Variants in VAV2 observed in about 807,000 individuals in gnomAD.
VAV2 encodes vav guanine nucleotide exchange factor 2.
A neutral mutation model predicts 132.5 loss-of-function variants in VAV2; 67 were observed. That is an observed-to-expected ratio of 0.51 (90% CI 0.42 to 0.62). The LOEUF (loss-of-function observed/expected upper bound fraction) is 0.62, where lower values mean the gene tolerates loss of function less well. Ranked by LOEUF, VAV2 falls within the 20% of genes least tolerant of loss-of-function variation. VAV2 has a pLI of 0.00. For synonymous variants in VAV2, 492 were observed against 443.5 expected, an observed-to-expected ratio of 1.11 and a Z score of -1.37; for missense variants, 938 against 1,153.6, an observed-to-expected ratio of 0.81 and a Z score of 2.71.
chr9:133,774,867 G>A, intron 25 of VAV2, 68 bp downstream of exon 25: 1 of 1,403,080 alleles, frequency 7.1e-7, no homozygotes, highest in Non-Finnish European at 9.9e-7. Flanking sequence ...GACGTGGAGA[G>A]GATGGTGCTC....
rs1049507719 is a variant in VAV2, at chr9:133,857,961, G to A, written c.380+3413C>T. Among the ~76,000 whole-genome samples, 1 of 152,216 alleles carries A rather than the reference G, an allele frequency of 6.6e-6. No homozygotes were observed. The highest frequency in any genetic ancestry group is 2.4e-5 in the African/African-American group (1 of 41,462). On this transcript the variant is annotated intron_variant, in intron 3 of 29. Transcript: ENST00000371850. This position sits in a 1 kb window ranked among gnomAD's most constrained non-coding sequence, Gnocchi z 4.0. ...GCAAAGCCTCGCTCTGCGCCCAGGA[G>A]GCCCTTCCCTTTGGCCTGCAAACAC...
intron 2 of VAV2, among the ~76,000 whole-genome samples, chr9:133,910,681 G>A (rs1414509043): frequency 4.6e-5 from 7 of 151,482 alleles, no homozygotes; most frequent in African/African-American, 9.7e-5. Context: ...AAACTTAGCC[G>A]AGCGTGGTGG....
In VAV2 at chr9:133,794,135, GTGCACGGCCCAC is replaced by G. The variant is rs1173429679; in HGVS notation, c.1101+1521_1101+1532del. On this transcript the variant is annotated intron_variant, in intron 12 of 29. Transcript: ENST00000371850. The surrounding 1 kb of genome is among the most constrained non-coding windows in gnomAD (Gnocchi z 4.6). ...ACGCAAGACCACACTCAGGGCCCGG[GTGCACGGCCCAC>G]TGCACCTGCTGTCACTGTCTCAGAG... Among the ~76,000 whole-genome samples, 1 of 152,094 alleles carries G rather than the reference GTGCACGGCCCAC, an allele frequency of 6.6e-6. No individual in the cohort carries two copies. The highest frequency in any genetic ancestry group is 1.5e-5 in the Non-Finnish European group (1 of 68,018).
At chr9:133,896,391 T>G (rs1158502833) in intron 2 of VAV2, among the ~76,000 whole-genome samples, 2 of 152,014 alleles carry the variant, frequency 1.3e-5, no homozygotes, top group Non-Finnish European at 2.9e-5. Flanking sequence ...GAGGCAGAGG[T>G]TGCAATGAGC....
chr9:133,948,640 G>T lies in VAV2; in HGVS notation c.205-9421C>A, dbSNP rs139994350. Among the ~76,000 whole-genome samples the T allele has an allele frequency of 3.3e-3, 498 of 152,258 alleles. 2 individuals are homozygous for T. The highest frequency in any genetic ancestry group is 0.012 in the African/African-American group (481 of 41,544). Reference sequence around the variant, plus strand: ...AAGGGCTGCAACAACAGCGTGTCTCGTTTCACTATTCTGTAAAGGTTTCCA... The same window carrying T: ...AAGGGCTGCAACAACAGCGTGTCTCTTTTCACTATTCTGTAAAGGTTTCCA... On this transcript the variant is annotated intron_variant, in intron 1 of 29. Coordinates refer to ENST00000371850, the MANE Select transcript of VAV2 (RefSeq NM_001134398.2).
At chr9:133,976,586 A>G (rs1388121342) in intron 1 of VAV2, among the ~76,000 whole-genome samples, 1 of 152,172 alleles carries the variant, frequency 6.6e-6, no homozygotes, top group East Asian at 1.9e-4. Context: ...CTTCCGCACT[A>G]TGGAGTTGTG....
chr9:133,906,555 A>G (rs535145800), intron 2 of VAV2, among the ~76,000 whole-genome samples: 3 of 152,210 alleles, frequency 2.0e-5, no homozygotes, highest in East Asian at 3.9e-4. Flanking sequence ...TCAGCCGGCA[A>G]TGAAACCAGG....
intron 3 of VAV2, among the ~76,000 whole-genome samples, chr9:133,847,359 G>A (rs1230416276): frequency 1.3e-5 from 2 of 152,222 alleles, no homozygotes; most frequent in African/African-American, 4.8e-5. Flanking sequence ...GCGCCTCAGC[G>A]TGAGCAGCCC....
chr9:133,940,859 T>C (rs1841121054), intron 1 of VAV2, among the ~76,000 whole-genome samples: 1 of 151,944 alleles, frequency 6.6e-6, no homozygotes, highest in South Asian at 2.1e-4. Context: ...ACGGTTATCT[T>C]ATCTATAGAC....
intron 2 of VAV2, among the ~76,000 whole-genome samples, chr9:133,872,785 C>G (rs568115008): frequency 6.6e-6 from 1 of 152,064 alleles, no homozygotes; most frequent in Non-Finnish European, 1.5e-5. Flanking sequence ...TTGACTAAGA[C>G]AGAGTCTACC....
At chr9:133,898,604 A>G (rs1384145247) in intron 2 of VAV2, among the ~76,000 whole-genome samples, 1 of 152,054 alleles carries the variant, frequency 6.6e-6, no homozygotes, top group Non-Finnish European at 1.5e-5. Flanking sequence ...AAAAAAATAA[A>G]AAATAAATAA....
intron 2 of VAV2, among the ~76,000 whole-genome samples, chr9:133,902,618 T>C (rs1046015469): frequency 2.0e-5 from 3 of 152,080 alleles, no homozygotes; most frequent in African/African-American, 7.2e-5. Context: ...TGAGGGAGTG[T>C]TTCGGGTTGA....
At chr9:133,816,369 T>A (rs562415793) in intron 4 of VAV2, among the ~76,000 whole-genome samples, 55 of 152,362 alleles carry the variant, frequency 3.6e-4, no homozygotes, top group Middle Eastern at 3.4e-3. Context: ...CTGTCCTGTG[T>A]CCTAAGAAAT....
chr9:133,980,961 G>A (rs762079422), intron 1 of VAV2, among the ~76,000 whole-genome samples: 21 of 151,178 alleles, frequency 1.4e-4, no homozygotes, highest in Non-Finnish European at 2.2e-4. Flanking sequence ...CACCTCCTCC[G>A]GGAAGCTCTC....
intron 2 of VAV2, among the ~76,000 whole-genome samples, chr9:133,933,952 G>GACGGA (rs57228303): frequency 1.5e-5 from 2 of 130,044 alleles, no homozygotes; most frequent in Admixed American, 7.5e-5. Context: ...TGGATGGATG[G>GACGGA]TGGATGGATG....
At chr9:133,764,263 G>A (rs1013365159) in intron 29 of VAV2, among the ~76,000 whole-genome samples, 154 bp from the exon 30 acceptor site, 2 of 152,014 alleles carry the variant, frequency 1.3e-5, no homozygotes, top group African/African-American at 4.8e-5. Flanking sequence ...TGGAACCATT[G>A]CCTGGGAGTA....
chr9:133,934,051 G>A (rs541117061), intron 2 of VAV2, among the ~76,000 whole-genome samples: 2 of 150,486 alleles, frequency 1.3e-5, no homozygotes, highest in South Asian at 2.1e-4. Flanking sequence ...TGGATGGACA[G>A]ATGAATGATT....
rs534806570 is a variant in VAV2, at chr9:133,804,438, C to T, written c.836+1643G>A. 6.6e-5 allele frequency among the ~76,000 whole-genome samples: 10 copies of T among 152,332 alleles called. No individual in the cohort carries two copies. Among genetic ancestry groups the T allele is most frequent in the African/African-American group, 1.2e-4 (5 of 41,576 alleles). On this transcript the variant is annotated intron_variant, in intron 9 of 29. Transcript: ENST00000371850. This position sits in a 1 kb window ranked among gnomAD's most constrained non-coding sequence, Gnocchi z 4.5. ...GGCAGAGATGCCCGCTGTTCCTCAG[C>T]GGGAACCACCCATGCAAGGTCCTGC...
At chr9:133,914,782 G>GGAA (rs1840009660) in intron 2 of VAV2, among the ~76,000 whole-genome samples, 5 of 123,550 alleles carry the variant, frequency 4.0e-5, no homozygotes, top group African/African-American at 1.3e-4. Context: ...GGGGACGGGA[G>GGAA]GGGAGAGGAG....
Sources: allele counts gnomAD v4.1 joint callset (sites outside exome capture counted in the v4.1 genomes callset), GRCh38; gene constraint gnomAD v4.1.1; non-coding constraint Gnocchi (gnomAD v3.1); transcripts MANE v1.5; gene names NCBI Gene and HGNC (gene_info 2026-07-23, HGNC 2026-07-21).